Variants in PLEKHA7 observed in about 807,000 individuals in gnomAD.
PLEKHA7 encodes pleckstrin homology domain containing A7.
A neutral mutation model predicts 170.0 loss-of-function variants in PLEKHA7; 104 were observed. That is an observed-to-expected ratio of 0.61 (90% confidence interval 0.52 to 0.72). The LOEUF is 0.72. Among genes scored for constraint, PLEKHA7 ranks in the 30% least tolerant of loss-of-function variants. The pLI, the probability that PLEKHA7 is intolerant of heterozygous loss-of-function variation, is 0.00. For synonymous variants in PLEKHA7, 648 were observed against 660.8 expected (o/e 0.98, Z 0.30); for missense variants, 1,615 against 1,671.7 (o/e 0.97, Z 0.59).
At chr11:17,010,984 G>A (rs534885759) in intron 3 of PLEKHA7, among the ~76,000 whole-genome samples, 1 of 152,324 alleles carries the variant, frequency 6.6e-6, no homozygotes, top group East Asian at 1.9e-4. Context: ...TGAGGGTAGG[G>A]AACACTGTCA....
intron 9 of PLEKHA7, among the ~76,000 whole-genome samples, chr11:16,831,543 C>T (rs1236729360): frequency 6.6e-6 from 1 of 152,196 alleles, no homozygotes; most frequent in Non-Finnish European, 1.5e-5. Context: ...TTGCTACGAT[C>T]GTGAACATCT....
chr11:16,953,540 C>G (rs886179453), intron 3 of PLEKHA7, among the ~76,000 whole-genome samples: 4 of 151,994 alleles, frequency 2.6e-5, no homozygotes, highest in Non-Finnish European at 5.9e-5. Context: ...GTAATAAAAC[C>G]AAGATTCTGG....
chr11:16,889,418 A>ATATATAT (rs59197162), intron 3 of PLEKHA7, among the ~76,000 whole-genome samples: 7 of 103,554 alleles, frequency 6.8e-5, no homozygotes, highest in East Asian at 2.4e-4. Context: ...AAAAAAAAAA[A>ATATATAT]AAATATATAT....
At chr11:16,779,423 G>C (rs1298475530) in intron 26 of PLEKHA7, among the ~76,000 whole-genome samples, 1 of 152,196 alleles carries the variant, frequency 6.6e-6, no homozygotes, top group African/African-American at 2.4e-5. Context: ...AAGAAATGCA[G>C]TACTCCAAAG....
At chr11:16,934,587 C>G (rs914958436) in intron 3 of PLEKHA7, among the ~76,000 whole-genome samples, 1 of 152,160 alleles carries the variant, frequency 6.6e-6, no homozygotes, top group African/African-American at 2.4e-5. Context: ...CAGGCTATTG[C>G]CATTCTCCTT....
intron 3 of PLEKHA7, among the ~76,000 whole-genome samples, chr11:16,872,543 C>T (rs414992): frequency 0.13 from 19,331 of 151,852 alleles, 1,311 homozygotes; most frequent in Admixed American, 0.17. Flanking sequence ...TTTTTTTGAC[C>T]GGGTCCCGCT....
chr11:16,835,257 C>A (rs188829360), intron 9 of PLEKHA7, among the ~76,000 whole-genome samples: 2 of 151,878 alleles, frequency 1.3e-5, no homozygotes, highest in South Asian at 2.1e-4. Flanking sequence ...GGTGACAGAG[C>A]GAGATTTTGT....
intron 3 of PLEKHA7, among the ~76,000 whole-genome samples, chr11:16,939,962 C>T (rs1383754472): frequency 6.6e-6 from 1 of 152,168 alleles, no homozygotes; most frequent in Non-Finnish European, 1.5e-5. Flanking sequence ...CCAGACATCA[C>T]CATAGGAAGT....
intron 24 of PLEKHA7, among the ~76,000 whole-genome samples, chr11:16,784,881 C>T (rs566615244): frequency 9.2e-5 from 14 of 152,304 alleles, no homozygotes; most frequent in African/African-American, 3.4e-4. Flanking sequence ...TAAGGAAGAA[C>T]TTTTTCCCTG....
intron 3 of PLEKHA7, among the ~76,000 whole-genome samples, chr11:16,942,408 A>C (rs1411910932): frequency 6.6e-6 from 1 of 152,160 alleles, no homozygotes; most frequent in Non-Finnish European, 1.5e-5. Context: ...TGAAGTAGAC[A>C]TTGGGGCCTT....
chr11:16,940,448 T>C (rs913961897), intron 3 of PLEKHA7, among the ~76,000 whole-genome samples: 1 of 151,970 alleles, frequency 6.6e-6, no homozygotes, highest in Non-Finnish European at 1.5e-5. Context: ...CCACCATGCC[T>C]GGCTAATTTT....
At chr11:16,892,255 A>C (rs1856667910) in intron 3 of PLEKHA7, among the ~76,000 whole-genome samples, 1 of 152,286 alleles carries the variant, frequency 6.6e-6, no homozygotes, top group Middle Eastern at 3.4e-3. Flanking sequence ...TGTGGGTAGG[A>C]TATGGAGATC....
chr11:16,815,418 T>G (rs1849676261), intron 12 of PLEKHA7: 1 of 152,428 alleles, frequency 6.6e-6, no homozygotes, highest in Middle Eastern at 3.2e-3. Flanking sequence ...GCAATTACTG[T>G]GTCAATTCTG....
rs780566308 is a variant in PLEKHA7, at chr11:16,817,135, C to T, written c.1531G>A (p.Glu511Lys). ...RASHLKMSSE[E>K]RRAHRDGTVW... ...GTGCCATCCCGGTGCGCCCGGCGCTCTTCACTCGACATCTTCAGGTGGCTG... is the reference window on the plus strand; with the variant it reads ...GTGCCATCCCGGTGCGCCCGGCGCTTTTCACTCGACATCTTCAGGTGGCTG... Residue 511 changes from glutamate (E) to lysine (K), a missense_variant, in exon 11 of 27, where the codon GAG (glutamate) becomes AAG (lysine). Coordinates refer to ENST00000531066, the MANE Select transcript of PLEKHA7 (RefSeq NM_001329630.2). The surrounding 1 kb of genome is among the most constrained non-coding windows in gnomAD (Gnocchi z 4.4). The T allele has an allele frequency of 6.2e-7, 1 of 1,614,222 alleles. No homozygotes were observed. The highest frequency in any genetic ancestry group is 1.7e-5 in the Admixed American group (1 of 60,038).
chr11:16,855,037 T>C (rs1267208413), intron 5 of PLEKHA7, 44 bp from the exon 6 acceptor site: 3 of 1,571,656 alleles, frequency 1.9e-6, no homozygotes, highest in Middle Eastern at 1.7e-4. Flanking sequence ...GAATTTAAGG[T>C]GACACAAAAA....
chr11:16,996,403 C>CA (rs1864340887), intron 3 of PLEKHA7, among the ~76,000 whole-genome samples: 1 of 152,174 alleles, frequency 6.6e-6, no homozygotes, highest in South Asian at 2.1e-4. Flanking sequence ...TCCACCTATC[C>CA]CATCTGAGAA....
intron 3 of PLEKHA7, among the ~76,000 whole-genome samples, chr11:16,971,137 A>G (rs1462052560): frequency 6.6e-6 from 1 of 152,210 alleles, no homozygotes; most frequent in Non-Finnish European, 1.5e-5. Flanking sequence ...CAAAGAAAGC[A>G]CTTCAGTCTT....
intron 3 of PLEKHA7, among the ~76,000 whole-genome samples, chr11:16,976,411 G>C (rs1449937344): frequency 6.6e-6 from 1 of 152,158 alleles, no homozygotes; most frequent in African/African-American, 2.4e-5. Flanking sequence ...GTTTCCTCCA[G>C]CACCCCTCTT....
chr11:16,905,072 C>T (rs1692129751), intron 3 of PLEKHA7, among the ~76,000 whole-genome samples: 1 of 151,988 alleles, frequency 6.6e-6, no homozygotes, highest in Admixed American at 6.6e-5. Flanking sequence ...GGCAACATGG[C>T]AAAACCCCAT....
Sources: allele counts gnomAD v4.1 joint callset (sites outside exome capture counted in the v4.1 genomes callset), GRCh38; gene constraint gnomAD v4.1.1; non-coding constraint Gnocchi (gnomAD v3.1); transcripts MANE v1.5; gene names NCBI Gene and HGNC (gene_info 2026-07-23, HGNC 2026-07-21).